RABGAP1L: variants seen among roughly 807,000 people sequenced by gnomAD.
RABGAP1L encodes rab GTPase-activating protein 1-like.
A neutral mutation model predicts 137.7 loss-of-function variants in RABGAP1L; 63 were observed. The ratio of observed to expected loss-of-function variants is 0.46; its 90% CI spans 0.37 to 0.56. RABGAP1L has a LOEUF of 0.56. Ranked by LOEUF, RABGAP1L falls within the 20% of genes least tolerant of loss-of-function variation. The probability of loss-of-function intolerance (pLI) is 0.00; values close to 1 mark genes in which losing one functional copy is unlikely to be tolerated. For synonymous variants in RABGAP1L, 431 were observed against 433.7 expected, an observed-to-expected ratio of 0.99 and a Z score of 0.08; for missense variants, 1,095 against 1,244.0, an observed-to-expected ratio of 0.88 and a Z score of 1.80.
intron 11 of RABGAP1L, among the ~76,000 whole-genome samples, chr1:174,352,417 TA>T (rs1558157654): frequency 1.3e-5 from 2 of 152,126 alleles, no homozygotes; most frequent in Admixed American, 6.5e-5. Flanking sequence ...TGCTTGATTT[TA>T]AAAAAATAAT....
chr1:174,958,336 C>G, intron 20 of RABGAP1L: 1 of 657,930 alleles, frequency 1.5e-6, no homozygotes, highest in Non-Finnish European at 2.2e-6. Flanking sequence ...ATTAGCAACA[C>G]TGTTCCCAGG....
chr1:174,320,327 C>T (rs1377762847), intron 11 of RABGAP1L, among the ~76,000 whole-genome samples: 1 of 152,152 alleles, frequency 6.6e-6, no homozygotes, highest in Non-Finnish European at 1.5e-5. Flanking sequence ...GTTTCATATA[C>T]ATGGAATCAC....
At position 174,612,368 on chromosome 1, in the gene RABGAP1L, G is replaced by C. The variant is rs541867263; in HGVS notation, c.1711-25007G>C. Reference sequence around the variant, plus strand: ...TATGCTGGATTACATTTATTGATTTGTGTATATTGAACCAGCCTTGCATCC... The same window carrying C: ...TATGCTGGATTACATTTATTGATTTCTGTATATTGAACCAGCCTTGCATCC... On this transcript the variant is annotated intron_variant, in intron 13 of 25. Coordinates refer to ENST00000681986, the MANE Select transcript of RABGAP1L (RefSeq NM_001366446.1). Among the ~76,000 whole-genome samples the C allele has an allele frequency of 2.7e-3, 418 of 152,242 alleles. 1 individual carries two copies. Among genetic ancestry groups the C allele is most frequent in the Admixed American group, 5.0e-3 (77 of 15,294 alleles).
rs1173825707 is a variant in RABGAP1L at position 174,265,403 on chromosome 1, A to T, written c.987-7011A>T. 2.6e-5 allele frequency among the ~76,000 whole-genome samples: 4 copies of T among 152,052 alleles called. No individual in the cohort carries two copies. The South Asian group carries it at 8.3e-4, about 31-fold the overall frequency. On this transcript the variant is annotated intron_variant, in intron 7 of 25. Coordinates refer to ENST00000681986, the MANE Select transcript of RABGAP1L (RefSeq NM_001366446.1). ...ATATTTTAAAATCTGACTGTAGCTA[A>T]GTTCTCATTTTGTATTTGAAGGGAG... is the stretch of plus-strand genomic sequence containing the variant.
intron 13 of RABGAP1L, among the ~76,000 whole-genome samples, chr1:174,469,126 C>T (rs925230502): frequency 1.3e-5 from 2 of 152,064 alleles, no homozygotes; most frequent in African/African-American, 4.8e-5. Context: ...TAGAAAAGTG[C>T]AGCTGTTACT....
chr1:174,873,272 T>C (rs1652493983), intron 19 of RABGAP1L, among the ~76,000 whole-genome samples: 1 of 152,086 alleles, frequency 6.6e-6, no homozygotes, highest in African/African-American at 2.4e-5. Flanking sequence ...GGTTTCACCA[T>C]GTTGGCCAGG....
In RABGAP1L at chr1:174,288,113, C is replaced by T. The variant is rs571869962; in HGVS notation, c.1323+9334C>T. 6.6e-5 allele frequency among the ~76,000 whole-genome samples: 10 copies of T among 152,020 alleles called. No homozygotes were observed. The South Asian group carries it at 1.7e-3, about 25-fold the overall frequency. ...ACAAAAATTCTACACTTTTACTCCC[C>T]CATCTCTCATATTTTAGGTTATTGA... On this transcript the variant is annotated intron_variant, in intron 10 of 25. Coordinates refer to ENST00000681986, the MANE Select transcript of RABGAP1L (RefSeq NM_001366446.1).
chr1:174,746,484 T>C (rs568537997), intron 17 of RABGAP1L, among the ~76,000 whole-genome samples: 157 of 152,330 alleles, frequency 1.0e-3, no homozygotes, highest in Non-Finnish European at 1.8e-3. Flanking sequence ...TTGAGTGTTT[T>C]CAATATGGAA....
chr1:174,727,839 CAA>C (rs1682122188), intron 17 of RABGAP1L, among the ~76,000 whole-genome samples: 1 of 152,012 alleles, frequency 6.6e-6, no homozygotes, highest in Non-Finnish European at 1.5e-5. Context: ...TTTTAAAAAA[CAA>C]AAGAAAAATA....
intron 14 of RABGAP1L, among the ~76,000 whole-genome samples, chr1:174,639,219 A>G (rs1017117718): frequency 1.3e-5 from 2 of 151,798 alleles, no homozygotes; most frequent in Non-Finnish European, 2.9e-5. Flanking sequence ...ATTTTGGAGG[A>G]TTATAAATAT....
At chr1:174,197,152 C>T (rs75446780) in intron 1 of RABGAP1L, among the ~76,000 whole-genome samples, 1 of 152,262 alleles carries the variant, frequency 6.6e-6, no homozygotes, top group South Asian at 2.1e-4. Flanking sequence ...TGAATTATAT[C>T]CTTTTCTCTT....
chr1:174,899,197 AAAAC>A (rs148237707), intron 19 of RABGAP1L, among the ~76,000 whole-genome samples: 3,619 of 152,276 alleles, frequency 0.024, 54 homozygotes, highest in Middle Eastern at 0.078. Flanking sequence ...CTTTCGGGAG[AAAAC>A]AAACAAACAA....
rs1667652601 is a variant in RABGAP1L, at chr1:174,195,907, C to T, written c.-33-23218C>T. ...CTGGAGTGCAGTGGCGTGATCTCAG[C>T]TCACTGCAACTTCCACCTCCTGGGT... On this transcript the variant is annotated intron_variant, in intron 1 of 25. Coordinates refer to ENST00000681986, the MANE Select transcript of RABGAP1L (RefSeq NM_001366446.1). 2.1e-5 allele frequency among the ~76,000 whole-genome samples: 3 copies of T among 145,528 alleles called. No homozygotes were observed. In the South Asian group the frequency reaches 6.6e-4, roughly 32 times the overall value.
intron 19 of RABGAP1L, among the ~76,000 whole-genome samples, chr1:174,856,416 A>G (rs1649315403): frequency 1.3e-5 from 2 of 151,762 alleles, no homozygotes; most frequent in African/African-American, 2.4e-5. Flanking sequence ...AAAAAAAAGA[A>G]AAGAAAAGAA....
chr1:174,831,675 C>T (rs1231658219), intron 19 of RABGAP1L, among the ~76,000 whole-genome samples: 2 of 148,226 alleles, frequency 1.3e-5, no homozygotes, highest in African/African-American at 2.5e-5. Flanking sequence ...TATTTAGACT[C>T]ATCTTAATGT....
At chr1:174,757,055 C>T (rs898164415) in intron 18 of RABGAP1L, 4 of 548,098 alleles carry the variant, frequency 7.3e-6, no homozygotes, top group Admixed American at 6.1e-5. Flanking sequence ...CCCGGCCAGG[C>T]TCCCTACTGG....
At chr1:174,618,234 A>G (rs1478312457) in intron 13 of RABGAP1L, among the ~76,000 whole-genome samples, 3 of 152,180 alleles carry the variant, frequency 2.0e-5, no homozygotes, top group African/African-American at 7.2e-5. Context: ...TAGCCAAACA[A>G]AAGGCAGCAG....
At chr1:174,251,064 G>T (rs1293881991) in intron 6 of RABGAP1L, among the ~76,000 whole-genome samples, 2 of 152,256 alleles carry the variant, frequency 1.3e-5, no homozygotes, top group Admixed American at 6.5e-5. Context: ...GCCTCCCAAA[G>T]TGCTGGGATT....
intron 3 of RABGAP1L, among the ~76,000 whole-genome samples, chr1:174,222,478 C>T (rs917257535): frequency 6.6e-6 from 1 of 152,132 alleles, no homozygotes; most frequent in Non-Finnish European, 1.5e-5. Flanking sequence ...TGGTTTACCA[C>T]ATAAAGTGGT....
Sources: gnomAD v4.1 joint callset for allele counts (sites outside exome capture counted in the v4.1 genomes callset) on GRCh38, gnomAD v4.1.1 for gene constraint, MANE v1.5 for transcripts, NCBI Gene and HGNC (gene_info 2026-07-23, HGNC 2026-07-21) for gene names.